The following MEGF11 variants were observed in gnomAD, a reference collection of about 807,000 sequenced individuals.
MEGF11 encodes multiple epidermal growth factor-like domains protein 11.
Under a neutral mutation model 146.6 loss-of-function variants are expected in MEGF11, and 126 were observed. The observed-to-expected ratio is 0.86, with a 90% CI of 0.74 to 1.00. The LOEUF is 1.00. MEGF11 is among the 50% of genes least tolerant of loss of function. The pLI, the probability that MEGF11 is intolerant of heterozygous loss-of-function variation, is 0.00. For synonymous variants in MEGF11, 532 were observed against 583.4 expected (o/e 0.91, Z 1.27); for missense variants, 1,509 against 1,521.2 (o/e 0.99, Z 0.13).
chr15:66,115,755 G>C (rs2087693915), intron 4 of MEGF11, among the ~76,000 whole-genome samples: 2 of 152,200 alleles, frequency 1.3e-5, no homozygotes, highest in Admixed American at 1.3e-4. Flanking sequence ...AATCCACTAT[G>C]ACGTGTGTGC....
At chr15:66,097,603 A>T (rs1362464527) in intron 4 of MEGF11, among the ~76,000 whole-genome samples, 1 of 152,114 alleles carries the variant, frequency 6.6e-6, no homozygotes, top group Non-Finnish European at 1.5e-5. Flanking sequence ...GGGCTCTGAC[A>T]GCACCAGCCG....
chr15:66,066,285 T>C (rs1271711786), intron 5 of MEGF11, among the ~76,000 whole-genome samples: 1 of 152,072 alleles, frequency 6.6e-6, no homozygotes, highest in East Asian at 1.9e-4. Flanking sequence ...AGCATGGCTC[T>C]TAGGGTCCCA....
intron 1 of MEGF11, among the ~76,000 whole-genome samples, chr15:66,243,518 A>G (rs992902545): frequency 3.9e-5 from 6 of 152,210 alleles, no homozygotes; most frequent in Non-Finnish European, 8.8e-5. Context: ...ATCTTAAAAT[A>G]TAACAAGGCC....
chr15:66,125,060 C>T (rs886201215), intron 2 of MEGF11, among the ~76,000 whole-genome samples: 1 of 152,240 alleles, frequency 6.6e-6, no homozygotes, highest in Non-Finnish European at 1.5e-5. Flanking sequence ...GCTGGGCAGG[C>T]CAGCTCCCCA....
At chr15:66,037,286 C>G (rs1254418101) in intron 5 of MEGF11, among the ~76,000 whole-genome samples, 1 of 152,212 alleles carries the variant, frequency 6.6e-6, no homozygotes, top group Non-Finnish European at 1.5e-5. Flanking sequence ...TACCATGAGT[C>G]AATGAACCAA....
At chr15:66,145,970 TA>T (rs2089356005) in intron 1 of MEGF11, among the ~76,000 whole-genome samples, 1 of 152,226 alleles carries the variant, frequency 6.6e-6, no homozygotes. Context: ...GGGCGCACAG[TA>T]AACAGAAGCT....
At chr15:66,211,498 TG>T (rs1358020905) in intron 1 of MEGF11, among the ~76,000 whole-genome samples, 38 of 141,226 alleles carry the variant, frequency 2.7e-4, no homozygotes, top group African/African-American at 3.0e-4. Context: ...CACTCCAGCC[TG>T]GGTGACAGAG....
intron 1 of MEGF11, among the ~76,000 whole-genome samples, chr15:66,149,010 G>A (rs1357781185): frequency 6.6e-6 from 1 of 152,226 alleles, no homozygotes; most frequent in Non-Finnish European, 1.5e-5. Context: ...GACCAGACAA[G>A]AGGAGGCAGG....
chr15:65,916,189 C>T lies in MEGF11; in HGVS notation c.2303G>A (p.Cys768Tyr), dbSNP rs1234043172. 6.3e-7 allele frequency: 1 copy of T among 1,583,704 alleles called. No individual in the cohort carries two copies. Among genetic ancestry groups the T allele is most frequent in the East Asian group, 2.3e-5 (1 of 43,336 alleles). Reference protein sequence around the residue: ...GASCDHISGKCTCRTGFTGQH... With the variant: ...GASCDHISGKYTCRTGFTGQH... ...CCCGGTGAAGCCTGTGCGGCAGGTG[C>T]ACTTGCCACTGATGTGGTCACAGCT... The change falls in exon 18 of 26, where the codon TGC becomes TAC. Residue 768 changes from cysteine to tyrosine, a missense_variant. Coordinates refer to ENST00000395614, the MANE Select transcript of MEGF11 (RefSeq NM_001385028.1).
At chr15:65,966,423 G>T (rs2081100561) in intron 8 of MEGF11, among the ~76,000 whole-genome samples, 1 of 152,184 alleles carries the variant, frequency 6.6e-6, no homozygotes, top group Non-Finnish European at 1.5e-5. Flanking sequence ...TGGCACCTTA[G>T]GTTTGATGAA....
chr15:66,218,206 A>C (rs1241824670), intron 1 of MEGF11, among the ~76,000 whole-genome samples: 5 of 152,216 alleles, frequency 3.3e-5, no homozygotes, highest in Non-Finnish European at 1.5e-5. Context: ...AATGTGGTTC[A>C]TCCCTAGAGG....
chr15:66,038,394 C>T (rs556404511), intron 5 of MEGF11, among the ~76,000 whole-genome samples: 6 of 152,216 alleles, frequency 3.9e-5, no homozygotes, highest in South Asian at 2.1e-4. Context: ...TTTATAAAAT[C>T]GAGGGATGGT....
intron 1 of MEGF11, among the ~76,000 whole-genome samples, chr15:66,178,146 C>T (rs563849628): frequency 2.0e-5 from 3 of 152,238 alleles, no homozygotes; most frequent in Admixed American, 6.5e-5. Flanking sequence ...TAACCATGCG[C>T]TGCTAATTTT....
At chr15:66,142,258 C>T (rs905676906) in intron 1 of MEGF11, among the ~76,000 whole-genome samples, 3 of 152,148 alleles carry the variant, frequency 2.0e-5, no homozygotes, top group East Asian at 1.9e-4. Flanking sequence ...GGAGCCCCCG[C>T]GATGGGAACT....
chr15:66,057,150 C>T (rs1176868731), intron 5 of MEGF11, among the ~76,000 whole-genome samples: 1 of 152,142 alleles, frequency 6.6e-6, no homozygotes, highest in African/African-American at 2.4e-5. Context: ...GTCAGGCTGA[C>T]TCTCCCTTCC....
rs556282876 is a variant in MEGF11 at position 65,928,903 on chromosome 15, T to G, written c.1573-376A>C. ...GTGCACTTTGCAGATTGTAACACAT[T>G]GATCATCTGTGAGGAATGACTATGA... On this transcript the variant is annotated intron_variant, in intron 12 of 25. Transcript: ENST00000395614. 6.6e-5 allele frequency among the ~76,000 whole-genome samples: 10 copies of G among 152,344 alleles called. No homozygotes were observed. In the East Asian group the frequency reaches 1.9e-3, roughly 29 times the overall value.
In MEGF11 at chr15:65,977,013, CAA is replaced by C. The variant is rs1372847079; in HGVS notation, c.762+3763_762+3764del. ...TGAAACCCCGTCTCTACTGAAAATA[CAA>C]AAAGTTAGCCGGGCGTGATGGCGGG... On this transcript the variant is annotated intron_variant, in intron 7 of 25. Coordinates refer to ENST00000395614, the MANE Select transcript of MEGF11 (RefSeq NM_001385028.1). Among the ~76,000 whole-genome samples, 7 of 152,032 alleles carry C rather than the reference CAA, an allele frequency of 4.6e-5. No homozygotes were observed. The East Asian group carries it at 1.4e-3, about 29-fold the overall frequency.
rs757187114 is a variant in MEGF11, at chr15:65,898,854, G to C, written c.3136C>G (p.Pro1046Ala). The C allele has an allele frequency of 6.2e-7, 1 of 1,613,890 alleles. No homozygotes were observed. The highest frequency in any genetic ancestry group is 1.1e-5 in the South Asian group (1 of 91,076). Reference protein sequence around the residue: ...SENPYATIKDPPILTCKLPES... With the variant: ...SENPYATIKDAPILTCKLPES... ...GGAAGCTTGCAGGTGAGGATGGGTGGGTCCTTAATTGTGGCGTAAGGGTTT... is the reference window on the plus strand; with the variant it reads ...GGAAGCTTGCAGGTGAGGATGGGTGCGTCCTTAATTGTGGCGTAAGGGTTT... The change falls in exon 25 of 26, where the codon CCA becomes GCA. Residue 1046 changes from proline to alanine, a missense_variant. Pro to Ala is a conservative substitution (Grantham distance 27). Transcript: ENST00000395614.
At chr15:66,196,408 G>T (rs1363825317) in intron 1 of MEGF11, among the ~76,000 whole-genome samples, 1 of 152,126 alleles carries the variant, frequency 6.6e-6, no homozygotes, top group Non-Finnish European at 1.5e-5. Context: ...GGAGGTAGAG[G>T]TTGCAGCGAG....
Sources: allele counts gnomAD v4.1 joint callset (sites outside exome capture counted in the v4.1 genomes callset), GRCh38; gene constraint gnomAD v4.1.1; transcripts MANE v1.5; gene names NCBI Gene and HGNC (gene_info 2026-07-23, HGNC 2026-07-21).